The following DNM3 variants were observed in gnomAD, a reference collection of about 807,000 sequenced individuals.
DNM3 encodes dynamin-3.
In DNM3, 47 loss-of-function variants were observed where a neutral mutation model predicts 101.6. The ratio of observed to expected loss-of-function variants is 0.46; its 90% CI spans 0.37 to 0.59. The LOEUF (loss-of-function observed/expected upper bound fraction) is 0.59. Ranked by LOEUF, DNM3 falls within the 20% of genes least tolerant of loss-of-function variation. The probability of loss-of-function intolerance (pLI) is 0.00; values close to 1 mark genes in which losing one functional copy is unlikely to be tolerated. For missense variants in DNM3, 849 were observed against 1,085.7 expected (o/e 0.78, Z 3.06); for synonymous variants, 385 against 387.9 (o/e 0.99, Z 0.09).
At chr1:172,407,712 G>A in intron 20 of DNM3, 60 bp from the exon 21 acceptor site, 1 of 1,563,714 alleles carries the variant, frequency 6.4e-7, no homozygotes, top group South Asian at 1.1e-5. Flanking sequence ...AGTGTCCTTG[G>A]AACAATGTTC....
chr1:171,866,642 A>C (rs1171365432), intron 1 of DNM3, among the ~76,000 whole-genome samples: 2 of 151,794 alleles, frequency 1.3e-5, no homozygotes, highest in Non-Finnish European at 2.9e-5. Flanking sequence ...AGCTTTCCTA[A>C]TTTTCAAGTT....
chr1:171,902,409 A>G (rs1193358718), intron 1 of DNM3, among the ~76,000 whole-genome samples: 5 of 152,202 alleles, frequency 3.3e-5, no homozygotes, highest in African/African-American at 1.2e-4. Context: ...TTCAGGAAGG[A>G]TAAGCCTTGA....
chr1:171,896,037 C>T (rs1426748397), intron 1 of DNM3, among the ~76,000 whole-genome samples: 40 of 151,920 alleles, frequency 2.6e-4, no homozygotes, highest in African/African-American at 8.2e-4. Flanking sequence ...TTTTGGTTAC[C>T]GTAGCCTTGT....
chr1:171,883,413 ACCCTG>A (rs2036491389), intron 1 of DNM3, among the ~76,000 whole-genome samples: 1 of 47,690 alleles, frequency 2.1e-5, no homozygotes, highest in African/African-American at 7.6e-5. Context: ...ACACACACAC[ACCCTG>A]TCAGAATGAA....
chr1:172,299,099 T>G (rs532638205), intron 15 of DNM3, among the ~76,000 whole-genome samples: 2 of 152,220 alleles, frequency 1.3e-5, no homozygotes, highest in South Asian at 4.2e-4. Context: ...GAATTAACTG[T>G]GCAAAGAGAG....
At position 172,190,927 on chromosome 1, in the gene DNM3, G is replaced by A. The variant is rs184727636; in HGVS notation, c.1659+59639G>A. On this transcript the variant is annotated intron_variant, in intron 14 of 20. Transcript: ENST00000627582. ...GATTCTGGATATTAGCCTTTTGTCA[G>A]ACAGGTAGATTGTAAAAATTTTCTC... Among the ~76,000 whole-genome samples the A allele has an allele frequency of 3.6e-3, 546 of 152,290 alleles. 7 individuals carry two copies. The highest frequency in any genetic ancestry group is 0.014 in the South Asian group (68 of 4,832).
At chr1:172,125,014 A>G (rs572913178) in intron 13 of DNM3, among the ~76,000 whole-genome samples, 5 of 152,214 alleles carry the variant, frequency 3.3e-5, no homozygotes, top group African/African-American at 9.6e-5. Flanking sequence ...TTCCTAACCA[A>G]CTGGGTGACT....
At chr1:172,287,955 A>G (rs1415599809) in intron 15 of DNM3, among the ~76,000 whole-genome samples, 1 of 151,886 alleles carries the variant, frequency 6.6e-6, no homozygotes, top group Non-Finnish European at 1.5e-5. Context: ...TCCCAAAGTG[A>G]TAGGATTACA....
At position 171,894,549 on chromosome 1, in the gene DNM3, T is replaced by A. The variant is rs193290484; in HGVS notation, c.162-27199T>A. 2.0e-5 allele frequency among the ~76,000 whole-genome samples: 3 copies of A among 152,166 alleles called. No homozygotes were observed. In the East Asian group the frequency reaches 5.8e-4, roughly 29 times the overall value. ...CCTCCTGAGTAGCTGGGATTACAGG[T>A]GCCCACCACCATGCCTGGCTAATTT... On this transcript the variant is annotated intron_variant, in intron 1 of 20. Coordinates refer to ENST00000627582, the MANE Select transcript of DNM3 (RefSeq NM_015569.5).
chr1:172,221,643 T>C (rs921973780), intron 14 of DNM3, among the ~76,000 whole-genome samples: 1 of 152,138 alleles, frequency 6.6e-6, no homozygotes, highest in African/African-American at 2.4e-5. Flanking sequence ...ATATCCACAT[T>C]GCTTATTCCC....
At chr1:172,259,794 A>G (rs1461954886) in intron 15 of DNM3, among the ~76,000 whole-genome samples, 1 of 151,612 alleles carries the variant, frequency 6.6e-6, no homozygotes, top group Non-Finnish European at 1.5e-5. Flanking sequence ...TTGATTCCTT[A>G]TTGTTTTTTA....
intron 16 of DNM3, among the ~76,000 whole-genome samples, chr1:172,317,574 A>G (rs1186461892): frequency 1.3e-5 from 2 of 152,250 alleles, no homozygotes; most frequent in African/African-American, 4.8e-5. Flanking sequence ...CTGATCCCAC[A>G]GAAATACAAA....
intron 17 of DNM3, among the ~76,000 whole-genome samples, chr1:172,351,721 T>C (rs1321242962): frequency 6.6e-6 from 1 of 152,196 alleles, no homozygotes; most frequent in African/African-American, 2.4e-5. Flanking sequence ...AACAGACTTC[T>C]ACCCAACTAA....
chr1:172,337,590 T>C (rs190401409), intron 17 of DNM3, among the ~76,000 whole-genome samples: 3 of 152,322 alleles, frequency 2.0e-5, no homozygotes, highest in Admixed American at 2.0e-4. Context: ...CTGAATTTAT[T>C]TGATCAAATA....
intron 15 of DNM3, among the ~76,000 whole-genome samples, chr1:172,274,678 G>A (rs1043875632): frequency 6.6e-6 from 1 of 150,814 alleles, no homozygotes; most frequent in Non-Finnish European, 1.5e-5. Flanking sequence ...ATTTAAAACC[G>A]AGAATTTCCC....
intron 14 of DNM3, among the ~76,000 whole-genome samples, chr1:172,204,635 C>A (rs995335278): frequency 6.6e-6 from 1 of 152,152 alleles, no homozygotes; most frequent in African/African-American, 2.4e-5. Flanking sequence ...CCAAACTACA[C>A]GTCCTCAGAG....
intron 15 of DNM3, among the ~76,000 whole-genome samples, chr1:172,301,449 C>T (rs2064446240): frequency 6.6e-6 from 1 of 152,156 alleles, no homozygotes; most frequent in African/African-American, 2.4e-5. Flanking sequence ...CTACAGTGAG[C>T]TATGACTGTG....
chr1:172,005,945 A>C (rs1199344089), intron 4 of DNM3, among the ~76,000 whole-genome samples: 1 of 152,052 alleles, frequency 6.6e-6, no homozygotes, highest in Non-Finnish European at 1.5e-5. Context: ...CAGTTAAAAG[A>C]GTTTCCTCCT....
At chr1:171,979,933 C>T (rs1281092435) in intron 2 of DNM3, among the ~76,000 whole-genome samples, 1 of 152,122 alleles carries the variant, frequency 6.6e-6, no homozygotes, top group Non-Finnish European at 1.5e-5. Flanking sequence ...GTTTTAATTT[C>T]CTACTTTGCC....
Sources: allele counts gnomAD v4.1 joint callset (sites outside exome capture counted in the v4.1 genomes callset), GRCh38; gene constraint gnomAD v4.1.1; transcripts MANE v1.5; gene names NCBI Gene and HGNC (gene_info 2026-07-23, HGNC 2026-07-21).